CCDC141: variants seen among roughly 807,000 people sequenced by gnomAD.
CCDC141 encodes coiled-coil domain containing 141.
Under a neutral mutation model 181.0 loss-of-function variants are expected in CCDC141, and 168 were observed. The observed-to-expected ratio is 0.93, with a 90% CI of 0.82 to 1.05. CCDC141 has a LOEUF of 1.05. Ranked by LOEUF, CCDC141 falls within the 50% of genes least tolerant of loss-of-function variation. The probability of loss-of-function intolerance (pLI) is 0.00; values close to 1 mark genes in which losing one functional copy is unlikely to be tolerated. For synonymous variants in CCDC141, 666 were observed against 642.3 expected, an observed-to-expected ratio of 1.04 and a Z score of -0.56; for missense variants, 1,902 against 1,788.5, an observed-to-expected ratio of 1.06 and a Z score of -1.14.
intron 4 of CCDC141, among the ~76,000 whole-genome samples, chr2:178,973,227 CA>C (rs1205557585): frequency 6.6e-6 from 1 of 151,932 alleles, no homozygotes; most frequent in East Asian, 1.9e-4. Flanking sequence ...TTTATGAAAA[CA>C]AAAACCCTTG....
chr2:178,967,915 TAA>T (rs1029696043), intron 4 of CCDC141, among the ~76,000 whole-genome samples: 1 of 149,538 alleles, frequency 6.7e-6, no homozygotes, highest in Non-Finnish European at 1.5e-5. Context: ...AAATGGAAAG[TAA>T]AAAAAAAGCA....
At chr2:178,836,698 T>C (rs1221120633) in intron 23 of CCDC141, 196 bp downstream of exon 23, 1 of 560,672 alleles carries the variant, frequency 1.8e-6, no homozygotes, top group African/African-American at 1.9e-5. Flanking sequence ...ATGGTTACCT[T>C]TTATTTTTCT....
chr2:178,852,266 A>G (rs928126277), intron 20 of CCDC141, among the ~76,000 whole-genome samples: 11 of 152,202 alleles, frequency 7.2e-5, no homozygotes, highest in Admixed American at 1.3e-4. Context: ...AGCACTTCTC[A>G]TGCTCTGAGA....
Position 178,916,909 on chromosome 2 carries a change from T to G in CCDC141, c.1092+1804A>C, listed in dbSNP as rs187072258. Among the ~76,000 whole-genome samples, 635 of 152,084 alleles carry G rather than the reference T, an allele frequency of 4.2e-3. 2 individuals carry two copies. The highest frequency in any genetic ancestry group is 6.4e-3 in the South Asian group (31 of 4,824). Reference sequence around the variant, plus strand: ...TCTGACCTGAATTACTGTATGAGTTTGAGAAAGTAACCACTCTCTTCTTCT... The same window carrying G: ...TCTGACCTGAATTACTGTATGAGTTGGAGAAAGTAACCACTCTCTTCTTCT... On this transcript the variant is annotated intron_variant, in intron 7 of 23. Transcript: ENST00000443758.
At chr2:178,855,269 T>C (rs1041773911) in intron 19 of CCDC141, 78 bp downstream of exon 19, 68 of 1,160,782 alleles carry the variant, frequency 5.9e-5, no homozygotes, top group Non-Finnish European at 8.0e-5. Context: ...TAACAGCTAA[T>C]GCAACATTGC....
In CCDC141 at chr2:179,015,266, T is replaced by TCTATCTCTC. The variant is rs1209276876; in HGVS notation, c.225+32017_225+32018insGAGAGATAG. ...TCTCATATATATCTCATATATATCATATATATCTCATCTATCTCTCATATA... is the reference window on the plus strand; with the variant it reads ...TCTCATATATATCTCATATATATCATCTATCTCTCATATATCTCATCTATCTCTCATATA... On this transcript the variant is annotated intron_variant, in intron 2 of 23. Coordinates refer to ENST00000443758, the MANE Select transcript of CCDC141 (RefSeq NM_173648.4). Among the ~76,000 whole-genome samples the TCTATCTCTC allele has an allele frequency of 7.0e-3, 262 of 37,288 alleles. 4 individuals carry two copies. Among genetic ancestry groups the TCTATCTCTC allele is most frequent in the African/African-American group, 0.014 (236 of 16,762 alleles). 24.5% of individuals were successfully genotyped at this position (37,288 alleles called of 152,430 possible).
intron 20 of CCDC141, among the ~76,000 whole-genome samples, chr2:178,853,218 CA>C (rs1561636562): frequency 6.6e-6 from 1 of 152,198 alleles, no homozygotes; most frequent in Non-Finnish European, 1.5e-5. Context: ...AAGGCTTACA[CA>C]AAGTAGGTAA....
Position 179,015,095 on chromosome 2 carries a change from T to TAC in CCDC141, c.225+32188_225+32189insGT, listed in dbSNP as rs1449268223. 5.8e-5 allele frequency among the ~76,000 whole-genome samples: 2 copies of TAC among 34,776 alleles called. 1 individual carries two copies. The highest frequency in any genetic ancestry group is 1.6e-4 in the African/African-American group (2 of 12,346). The allele number at this position is 34,776 out of a possible 152,430, so 22.8% of individuals were successfully genotyped here. On this transcript the variant is annotated intron_variant, in intron 2 of 23. Coordinates refer to ENST00000443758, the MANE Select transcript of CCDC141 (RefSeq NM_173648.4). ...ATATATATATATATATATATATATA[T>TAC]ATATATATAATATATATATAATCAT...
At chr2:178,925,538 C>G (rs1012253076) in intron 6 of CCDC141, among the ~76,000 whole-genome samples, 4 of 152,154 alleles carry the variant, frequency 2.6e-5, no homozygotes, top group African/African-American at 7.2e-5. Context: ...TTCCTTGGTT[C>G]AACATAGATG....
At chr2:178,960,012 C>G (rs1305359835) in intron 5 of CCDC141, among the ~76,000 whole-genome samples, 1 of 152,162 alleles carries the variant, frequency 6.6e-6, no homozygotes, top group Non-Finnish European at 1.5e-5. Flanking sequence ...GGACATTTGG[C>G]AATGTCTAGA....
Position 178,961,497 on chromosome 2 carries a change from A to G in CCDC141, c.527-14T>C. On this transcript the variant is annotated splice_polypyrimidine_tract_variant and intron_variant, in intron 4 of 23. Coordinates refer to ENST00000443758, the MANE Select transcript of CCDC141 (RefSeq NM_173648.4). ...GTTCCAAGAGTTCTAGAAGAAAATT[A>G]GAAAGAAAAAAGAATAATGATATTA... 2.6e-6 allele frequency: 4 copies of G among 1,535,238 alleles called. No homozygotes were observed. Among genetic ancestry groups the G allele is most frequent in the Non-Finnish European group, 3.5e-6 (4 of 1,137,732 alleles).
In CCDC141 at chr2:179,040,141, T is replaced by C. The variant is rs56113910; in HGVS notation, c.225+7143A>G. ...GATCTTTTGGTTTGAGACCTCATTT[T>C]CTTAGACCCATGTGCAGGGAGGGAG... On this transcript the variant is annotated intron_variant, in intron 2 of 23. Transcript: ENST00000443758. Among the ~76,000 whole-genome samples the C allele has an allele frequency of 3.8e-3, 585 of 152,280 alleles. 10 individuals are homozygous for C. Among genetic ancestry groups the C allele is most frequent in the African/African-American group, 0.014 (563 of 41,570 alleles).
chr2:178,877,787 C>G (rs1362903874), intron 12 of CCDC141, 177 bp downstream of exon 12: 1 of 669,978 alleles, frequency 1.5e-6, no homozygotes, highest in Admixed American at 2.9e-5. Flanking sequence ...AACCAAAGTT[C>G]TAGGCCAAGC....
chr2:179,015,325 T>C (rs1292842258), intron 2 of CCDC141, among the ~76,000 whole-genome samples: 6 of 142,778 alleles, frequency 4.2e-5, no homozygotes, highest in Admixed American at 1.5e-4. Context: ...CTCATATATG[T>C]ATCATACATA....
In CCDC141 at chr2:179,047,301, G is replaced by A; in HGVS notation, c.208C>T (p.Leu70Phe). ...TATCTTACCTTGAGCTTGGCCAAAA[G>A]AAGTTCATGATCATGAAGAAGTTTT... ...TKKLLHDHEL[L>F]LAKLKALEDR... The change falls in exon 2 of 24, where the codon CTT (leucine) becomes TTT (phenylalanine). Residue 70 changes from leucine to phenylalanine, a missense_variant. Leu to Phe is a conservative substitution (Grantham distance 22). Coordinates refer to ENST00000443758, the MANE Select transcript of CCDC141 (RefSeq NM_173648.4). The A allele has an allele frequency of 6.5e-7, 1 of 1,534,842 alleles. No individual in the cohort carries two copies. Among genetic ancestry groups the A allele is most frequent in the Non-Finnish European group, 8.7e-7 (1 of 1,143,070 alleles).
chr2:178,888,787 A>T, intron 8 of CCDC141, 119 bp from the exon 9 acceptor site: 1 of 1,067,824 alleles, frequency 9.4e-7, no homozygotes, highest in Non-Finnish European at 1.3e-6. Context: ...CTTTAGGATA[A>T]CAGAAGTTAA....
chr2:179,032,344 G>A (rs1248380250), intron 2 of CCDC141, among the ~76,000 whole-genome samples: 4 of 152,130 alleles, frequency 2.6e-5, no homozygotes, highest in Admixed American at 6.5e-5. Flanking sequence ...TCACTATCAC[G>A]ACTGCCATTT....
intron 5 of CCDC141, 21 bp downstream of exon 5, chr2:178,961,209 T>C (rs1158673422): frequency 1.3e-6 from 2 of 1,548,310 alleles, no homozygotes; most frequent in Admixed American, 2.0e-5. Flanking sequence ...TGGAACATCA[T>C]CCAATGCCCC....
chr2:178,887,949 A>C (rs1177886848), intron 9 of CCDC141, among the ~76,000 whole-genome samples: 1 of 152,204 alleles, frequency 6.6e-6, no homozygotes, highest in Non-Finnish European at 1.5e-5. Context: ...TCCCCTTTGG[A>C]AACAGGAAGT....
Sources: gnomAD v4.1 joint callset for allele counts (sites outside exome capture counted in the v4.1 genomes callset) on GRCh38, gnomAD v4.1.1 for gene constraint, MANE v1.5 for transcripts, NCBI Gene and HGNC (gene_info 2026-07-23, HGNC 2026-07-21) for gene names.